LSAMP: variants seen among roughly 807,000 people sequenced by gnomAD.
LSAMP encodes limbic system associated membrane protein.
A neutral mutation model predicts 38.6 loss-of-function variants in LSAMP; 7 were observed. That is an observed-to-expected ratio of 0.18 (90% CI 0.10 to 0.34). LSAMP has a LOEUF of 0.34. Among genes scored for constraint, LSAMP ranks in the 10% least tolerant of loss-of-function variants. The probability of loss-of-function intolerance (pLI) is 1.00; values close to 1 mark genes in which losing one functional copy is unlikely to be tolerated. For synonymous variants in LSAMP, 154 were observed against 166.8 expected (o/e 0.92, Z 0.59); for missense variants, 313 against 420.0 (o/e 0.75, Z 2.23).
intron 1 of LSAMP, among the ~76,000 whole-genome samples, chr3:116,299,003 A>C (rs1278728751): frequency 6.6e-6 from 1 of 152,206 alleles, no homozygotes; most frequent in East Asian, 1.9e-4. Flanking sequence ...AAAATTTTAA[A>C]AAAGATATAT....
intron 1 of LSAMP, among the ~76,000 whole-genome samples, chr3:116,237,269 T>A (rs960712964): frequency 1.3e-5 from 2 of 152,172 alleles, no homozygotes; most frequent in Non-Finnish European, 2.9e-5. Context: ...AGTACTGTGT[T>A]CCTTTTATTG....
At chr3:116,303,529 A>G (rs190369926) in intron 1 of LSAMP, among the ~76,000 whole-genome samples, 1 of 152,318 alleles carries the variant, frequency 6.6e-6, no homozygotes, top group East Asian at 1.9e-4. Flanking sequence ...AAATAAAGCT[A>G]GAGAAAAATG....
intron 3 of LSAMP, among the ~76,000 whole-genome samples, chr3:115,962,921 G>A (rs1938677139): frequency 6.6e-6 from 1 of 152,138 alleles, no homozygotes; most frequent in Non-Finnish European, 1.5e-5. Context: ...CTAATTAGGG[G>A]ATCATCCATA....
At chr3:116,402,621 T>C (rs549833064) in intron 1 of LSAMP, among the ~76,000 whole-genome samples, 4 of 152,242 alleles carry the variant, frequency 2.6e-5, no homozygotes, top group African/African-American at 7.2e-5. Flanking sequence ...TATGTTTTTA[T>C]ACACACATAT....
At chr3:116,298,070 G>A (rs1362033280) in intron 1 of LSAMP, among the ~76,000 whole-genome samples, 2 of 152,118 alleles carry the variant, frequency 1.3e-5, no homozygotes, top group Non-Finnish European at 2.9e-5. Flanking sequence ...CTCAACGTAT[G>A]TTCTGTTTCT....
Position 115,841,865 on chromosome 3 carries a change from T to C in LSAMP, c.899A>G (p.Asn300Ser). The C allele has an allele frequency of 6.2e-7, 1 of 1,613,206 alleles. No individual in the cohort carries two copies. Among genetic ancestry groups the C allele is most frequent in the Admixed American group, 1.7e-5 (1 of 59,786 alleles). Residue 300 changes from asparagine to serine, a missense_variant, in exon 6 of 7, where the codon AAT becomes AGT. Physicochemically the swap from Asn to Ser is conservative, Grantham distance 46 (BLOSUM62 1). Transcript: ENST00000490035. ...CVAANKLGVT[N>S]ASLVLFRPGS... is the part of the protein sequence containing the mutation. ...CTTACTGAAAAGGACTAGGCTGGCA[T>C]TGGTGACCCCCAGCTTGTTGGCAGC...
intron 1 of LSAMP, among the ~76,000 whole-genome samples, chr3:116,143,048 TTATATC>T (rs1312947652): frequency 1.0e-4 from 15 of 149,510 alleles, no homozygotes; most frequent in African/African-American, 2.4e-4. Context: ...TATAACTACA[TTATATC>T]TATATAATGT....
At chr3:116,428,423 A>G (rs909040238) in intron 1 of LSAMP, among the ~76,000 whole-genome samples, 7 of 152,158 alleles carry the variant, frequency 4.6e-5, no homozygotes, top group Middle Eastern at 3.4e-3. Flanking sequence ...GCACCACTAC[A>G]CTCCAGCCTG....
chr3:116,307,490 G>T (rs920792461), intron 1 of LSAMP, among the ~76,000 whole-genome samples: 2 of 151,960 alleles, frequency 1.3e-5, no homozygotes, highest in Non-Finnish European at 2.9e-5. Context: ...AGTGCATTTA[G>T]TATGTGCTTT....
At chr3:116,124,806 A>G (rs928814540) in intron 1 of LSAMP, among the ~76,000 whole-genome samples, 1 of 152,166 alleles carries the variant, frequency 6.6e-6, no homozygotes, top group African/African-American at 2.4e-5. Flanking sequence ...AGAAAACACA[A>G]TTGGGCTCAT....
At chr3:115,896,293 A>G (rs1272657843) in intron 3 of LSAMP, among the ~76,000 whole-genome samples, 2 of 152,136 alleles carry the variant, frequency 1.3e-5, no homozygotes, top group Admixed American at 6.6e-5. Context: ...AACAAAGTAC[A>G]CTAGTAGCTA....
intron 1 of LSAMP, among the ~76,000 whole-genome samples, chr3:116,422,868 C>G (rs1162382499): frequency 6.6e-6 from 1 of 152,162 alleles, no homozygotes; most frequent in South Asian, 2.1e-4. Context: ...TCCAAAATAT[C>G]CTTTTCATAG....
intron 3 of LSAMP, among the ~76,000 whole-genome samples, chr3:115,854,099 T>A (rs1935416478): frequency 6.6e-6 from 1 of 151,976 alleles, no homozygotes; most frequent in African/African-American, 2.4e-5. Context: ...ATTGTCAATA[T>A]CACTAGTTTT....
intron 2 of LSAMP, among the ~76,000 whole-genome samples, chr3:116,023,763 C>T (rs1940705165): frequency 6.6e-6 from 1 of 152,110 alleles, no homozygotes; most frequent in African/African-American, 2.4e-5. Flanking sequence ...AAGATAAAAT[C>T]CAAACTTTTA....
At chr3:116,345,194 AG>A (rs893925427) in intron 1 of LSAMP, among the ~76,000 whole-genome samples, 1 of 152,216 alleles carries the variant, frequency 6.6e-6, no homozygotes, top group African/African-American at 2.4e-5. Flanking sequence ...TACAAAAAAA[AG>A]GAAGAGGTTT....
chr3:116,309,923 T>A (rs1005453356), intron 1 of LSAMP, among the ~76,000 whole-genome samples: 7 of 152,160 alleles, frequency 4.6e-5, no homozygotes, highest in Non-Finnish European at 8.8e-5. Context: ...TTTTTGTGAC[T>A]CTTCTTTCCA....
chr3:116,084,133 C>CAT (rs1211524775), intron 2 of LSAMP, among the ~76,000 whole-genome samples: 1 of 152,048 alleles, frequency 6.6e-6, no homozygotes, highest in East Asian at 1.9e-4. Flanking sequence ...CAAGCTTTTG[C>CAT]ATATATATAA....
intron 1 of LSAMP, among the ~76,000 whole-genome samples, chr3:116,088,947 T>C (rs926309196): frequency 6.6e-6 from 1 of 152,174 alleles, no homozygotes; most frequent in Non-Finnish European, 1.5e-5. Flanking sequence ...TACAGGACAT[T>C]TGGTAACCTA....
intron 1 of LSAMP, among the ~76,000 whole-genome samples, chr3:116,181,062 A>G (rs1470040184): frequency 1.3e-5 from 2 of 152,072 alleles, no homozygotes; most frequent in Admixed American, 1.3e-4. Flanking sequence ...CCCTGTATGT[A>G]GGAATTGTGC....
Sources: gnomAD v4.1 joint callset for allele counts (sites outside exome capture counted in the v4.1 genomes callset) on GRCh38, gnomAD v4.1.1 for gene constraint, MANE v1.5 for transcripts, NCBI Gene and HGNC (gene_info 2026-07-23, HGNC 2026-07-21) for gene names.